The following INPP5A variants were observed in gnomAD, a reference collection of about 807,000 sequenced individuals.
INPP5A encodes inositol polyphosphate-5-phosphatase A.
INPP5A carries 14 observed loss-of-function variants against 65.2 expected under a neutral mutation model. The ratio of observed to expected loss-of-function variants is 0.21; its 90% confidence interval spans 0.14 to 0.34. The LOEUF is 0.34. Ranked by LOEUF, INPP5A falls within the 10% of genes least tolerant of loss-of-function variation. The pLI is 1.00. For missense variants in INPP5A, 431 were observed against 545.6 expected (o/e 0.79, Z 2.09); for synonymous variants, 207 against 208.3 (o/e 0.99, Z 0.05).
chr10:132,778,191 A>T (rs1004125080), intron 13 of INPP5A, among the ~76,000 whole-genome samples: 7 of 151,332 alleles, frequency 4.6e-5, no homozygotes, highest in Non-Finnish European at 7.4e-5. Context: ...TGTAAATTAG[A>T]GCCAGATTCA....
intron 2 of INPP5A, among the ~76,000 whole-genome samples, chr10:132,631,229 G>C (rs113941768): frequency 6.6e-6 from 1 of 152,206 alleles, no homozygotes; most frequent in East Asian, 1.9e-4. Flanking sequence ...CAGCTGCTCC[G>C]TGTGCCCTGG....
intron 2 of INPP5A, among the ~76,000 whole-genome samples, chr10:132,625,709 C>G (rs960505096): frequency 6.6e-6 from 1 of 152,134 alleles, no homozygotes; most frequent in Non-Finnish European, 1.5e-5. Flanking sequence ...CTTTCTTTGG[C>G]TGAGGTCAGG....
intron 6 of INPP5A, among the ~76,000 whole-genome samples, chr10:132,703,568 C>T (rs1002766675): frequency 2.0e-5 from 3 of 150,200 alleles, no homozygotes; most frequent in Non-Finnish European, 4.4e-5. Context: ...CACACACACA[C>T]GTGGCTTCAC....
chr10:132,715,381 T>A (rs1845722721), intron 8 of INPP5A, among the ~76,000 whole-genome samples: 1 of 152,266 alleles, frequency 6.6e-6, no homozygotes, highest in Admixed American at 6.5e-5. Flanking sequence ...CTGAAGTTAA[T>A]TTGATCAACA....
At chr10:132,687,567 C>T (rs766516234) in intron 4 of INPP5A, among the ~76,000 whole-genome samples, 3 of 152,236 alleles carry the variant, frequency 2.0e-5, no homozygotes, top group Admixed American at 6.5e-5. Context: ...AAGTGCACTG[C>T]GTCCCCCTCG....
chr10:132,781,425 A>G (rs183352975), intron 14 of INPP5A, among the ~76,000 whole-genome samples: 7 of 152,334 alleles, frequency 4.6e-5, no homozygotes, highest in Admixed American at 2.6e-4. Flanking sequence ...TTTTCAGCCA[A>G]TAAATGAGTT....
intron 3 of INPP5A, among the ~76,000 whole-genome samples, chr10:132,646,911 G>A (rs1038773151): frequency 2.6e-5 from 4 of 152,224 alleles, no homozygotes; most frequent in African/African-American, 9.7e-5. Context: ...TGTGGGCAGA[G>A]CCGTCGAGCC....
At chr10:132,679,935 C>T (rs1236620717) in intron 4 of INPP5A, among the ~76,000 whole-genome samples, 1 of 152,112 alleles carries the variant, frequency 6.6e-6, no homozygotes, top group East Asian at 1.9e-4. Flanking sequence ...GAAGTTGGCC[C>T]CTCACATTAC....
intron 3 of INPP5A, among the ~76,000 whole-genome samples, chr10:132,649,629 A>C (rs567295367): frequency 6.6e-6 from 1 of 152,024 alleles, no homozygotes; most frequent in East Asian, 1.9e-4. Context: ...CTTCTTCCTG[A>C]CACATGGACT....
rs535217096 is a variant in INPP5A at position 132,569,590 on chromosome 10, G to A, written c.75+31419G>A. The stretch of plus-strand genomic sequence containing the variant: ...CCAGGCTGGTCTCGAACTCCTGAGT[G>A]CAAGCGATTCTCTGCCTCAGCCTCC... On this transcript the variant is annotated intron_variant, in intron 1 of 15. Coordinates refer to ENST00000368594, the MANE Select transcript of INPP5A (RefSeq NM_005539.5). Among the ~76,000 whole-genome samples, 6 of 151,752 alleles carry A rather than the reference G, an allele frequency of 4.0e-5. No homozygotes were observed. In the East Asian group the frequency reaches 1.2e-3, roughly 30 times the overall value.
At chr10:132,688,754 G>A (rs569151516) in intron 4 of INPP5A, among the ~76,000 whole-genome samples, 10 of 152,166 alleles carry the variant, frequency 6.6e-5, no homozygotes, top group Admixed American at 3.9e-4. Flanking sequence ...GTGTGAGCAA[G>A]TGCATGTGAG....
rs922674371 is a variant in INPP5A at position 132,698,234 on chromosome 10, G to T, written c.474+315G>T. On this transcript the variant is annotated intron_variant, in intron 6 of 15. Transcript: ENST00000368594. The surrounding 1 kb of genome is among the most constrained non-coding windows in gnomAD (Gnocchi z 5.5). ...CCTTGGCGTGCACCTGGGGTCTCCC[G>T]CACGCCCAGCTGGGAGAGGGTCAGG... 1.3e-4 allele frequency among the ~76,000 whole-genome samples: 20 copies of T among 152,198 alleles called. No homozygotes were observed. Among genetic ancestry groups the T allele is most frequent in the Non-Finnish European group, 2.2e-4 (15 of 68,024 alleles).
intron 2 of INPP5A, among the ~76,000 whole-genome samples, chr10:132,623,115 T>A (rs2072129656): frequency 6.7e-6 from 1 of 150,214 alleles, no homozygotes; most frequent in Admixed American, 6.7e-5. Flanking sequence ...CTCAGCAGGA[T>A]TTTTTTTTTG....
rs963838731 is a variant in INPP5A at position 132,545,320 on chromosome 10, G to A, written c.75+7149G>A. Among the ~76,000 whole-genome samples the A allele has an allele frequency of 5.3e-5, 8 of 152,164 alleles. No homozygotes were observed. The highest frequency in any genetic ancestry group is 4.4e-5 in the Non-Finnish European group (3 of 68,016). Reference sequence around the variant, plus strand: ...ATCAAATTTAGAGCCCCTCTGTCCAGGGGCTAGAGGGGCATTCGGAAGACT... The same window carrying A: ...ATCAAATTTAGAGCCCCTCTGTCCAAGGGCTAGAGGGGCATTCGGAAGACT... On this transcript the variant is annotated intron_variant, in intron 1 of 15. Coordinates refer to ENST00000368594, the MANE Select transcript of INPP5A (RefSeq NM_005539.5). This position sits in a 1 kb window ranked among gnomAD's most constrained non-coding sequence, Gnocchi z 4.6.
rs567011889 is a variant in INPP5A, at chr10:132,650,667, C to T, written c.306+162C>T. Among the ~76,000 whole-genome samples the T allele has an allele frequency of 6.6e-5, 10 of 152,282 alleles. No homozygotes were observed. In the East Asian group the frequency reaches 7.7e-4, roughly 12 times the overall value. Reference sequence around the variant, plus strand: ...CCCGCAGCCTGCTTGGTGGTCTGCTCGTGGTCTGAGCCCATGGCTGGCCTG... The same window carrying T: ...CCCGCAGCCTGCTTGGTGGTCTGCTTGTGGTCTGAGCCCATGGCTGGCCTG... On this transcript the variant is annotated intron_variant, in intron 4 of 15. Coordinates refer to ENST00000368594, the MANE Select transcript of INPP5A (RefSeq NM_005539.5). This position sits in a 1 kb window ranked among gnomAD's most constrained non-coding sequence, Gnocchi z 5.5.
chr10:132,556,375 C>T (rs1218941282), intron 1 of INPP5A, among the ~76,000 whole-genome samples: 1 of 152,198 alleles, frequency 6.6e-6, no homozygotes, highest in Non-Finnish European at 1.5e-5. Context: ...CTCCGTGCAC[C>T]TCCACGGGGA....
intron 12 of INPP5A, among the ~76,000 whole-genome samples, chr10:132,766,229 A>C (rs1264256962): frequency 6.6e-6 from 1 of 152,196 alleles, no homozygotes; most frequent in Non-Finnish European, 1.5e-5. Context: ...CTTGTGTGCA[A>C]ACTGCACCTT....
rs892810024 is a variant in INPP5A, at chr10:132,563,347, A to G, written c.75+25176A>G. The stretch of plus-strand genomic sequence containing the variant: ...AGCTCTGCTCTGGGGTGTGGATAGC[A>G]CAGCGTCTGCCGGGTGCTGCGGGAG... On this transcript the variant is annotated intron_variant, in intron 1 of 15. Coordinates refer to ENST00000368594, the MANE Select transcript of INPP5A (RefSeq NM_005539.5). Among the ~76,000 whole-genome samples the G allele has an allele frequency of 7.2e-5, 11 of 152,130 alleles. 1 individual carries two copies. The highest frequency in any genetic ancestry group is 5.9e-4 in the Admixed American group (9 of 15,274).
intron 1 of INPP5A, among the ~76,000 whole-genome samples, chr10:132,567,891 T>TA (rs1048873123): frequency 6.6e-6 from 1 of 151,232 alleles, no homozygotes; most frequent in Admixed American, 6.6e-5. Flanking sequence ...GGCAAAAAAT[T>TA]AAAAAAAAAT....
Sources: gnomAD v4.1 joint callset for allele counts (sites outside exome capture counted in the v4.1 genomes callset) on GRCh38, gnomAD v4.1.1 for gene constraint, Gnocchi (gnomAD v3.1) non-coding constraint, MANE v1.5 for transcripts, NCBI Gene and HGNC (gene_info 2026-07-23, HGNC 2026-07-21) for gene names.